FAM135B: variants seen among roughly 807,000 people sequenced by gnomAD.
The protein encoded by FAM135B is protein FAM135B.
FAM135B carries 43 observed loss-of-function variants against 127.7 expected under a neutral mutation model. The observed-to-expected ratio is 0.34, with a 90% confidence interval of 0.26 to 0.43. FAM135B has a LOEUF of 0.43. Ranked by LOEUF, FAM135B falls within the 20% of genes least tolerant of loss-of-function variation. The pLI is 1.00. For synonymous variants in FAM135B, 670 were observed against 665.1 expected (o/e 1.01, Z -0.11); for missense variants, 1,558 against 1,725.6 (o/e 0.90, Z 1.72).
chr8:138,345,986 TG>T (rs1175569925), intron 2 of FAM135B, among the ~76,000 whole-genome samples: 19 of 152,296 alleles, frequency 1.2e-4, no homozygotes, highest in Admixed American at 3.3e-4. Context: ...CATTAAAAAC[TG>T]GGCAAAGGAC....
Position 138,361,805 on chromosome 8 carries a change from C to G in FAM135B, c.77+6102G>C, listed in dbSNP as rs377699787. On this transcript the variant is annotated intron_variant, in intron 2 of 19. Coordinates refer to ENST00000395297, the MANE Select transcript of FAM135B (RefSeq NM_015912.4). ...GGTCCCTTGTCGGGCTGACCCACAT[C>G]CATCCTTAAAGTGACAGCTCTGCTG... 2.6e-5 allele frequency among the ~76,000 whole-genome samples: 4 copies of G among 152,258 alleles called. No individual in the cohort carries two copies. The South Asian group carries it at 6.2e-4, about 24-fold the overall frequency.
At chr8:138,323,561 G>A (rs1016043281) in intron 2 of FAM135B, among the ~76,000 whole-genome samples, 1 of 152,240 alleles carries the variant, frequency 6.6e-6, no homozygotes, top group African/African-American at 2.4e-5. Flanking sequence ...TGGAAGAGCA[G>A]AAGGAGAAGT....
intron 2 of FAM135B, among the ~76,000 whole-genome samples, chr8:138,337,263 T>C (rs1007252639): frequency 1.6e-4 from 24 of 151,068 alleles, no homozygotes; most frequent in Non-Finnish European, 2.8e-4. Flanking sequence ...GCCAGGGCAA[T>C]TAGGCAGGAG....
intron 3 of FAM135B, among the ~76,000 whole-genome samples, chr8:138,301,105 A>G (rs1424408492): frequency 1.3e-5 from 2 of 151,426 alleles, no homozygotes; most frequent in African/African-American, 4.8e-5. Context: ...CAAGAAACTG[A>G]CCTTAGCAAA....
At chr8:138,330,942 A>C (rs1256031703) in intron 2 of FAM135B, among the ~76,000 whole-genome samples, 1 of 151,784 alleles carries the variant, frequency 6.6e-6, no homozygotes, top group African/African-American at 2.4e-5. Flanking sequence ...TCCAGGGTTC[A>C]AGCGATTCTC....
chr8:138,433,602 C>A (rs557532997), intron 1 of FAM135B, among the ~76,000 whole-genome samples: 31 of 151,800 alleles, frequency 2.0e-4, no homozygotes, highest in Non-Finnish European at 4.3e-4. Flanking sequence ...TAAATGTAAT[C>A]TCTATTTCAT....
At chr8:138,170,975 G>T (rs985401620) in intron 11 of FAM135B, among the ~76,000 whole-genome samples, 2 of 152,106 alleles carry the variant, frequency 1.3e-5, no homozygotes, top group Non-Finnish European at 2.9e-5. Flanking sequence ...TCCAGCTCTT[G>T]GACTCTGGGA....
At chr8:138,420,939 A>G (rs978745198) in intron 1 of FAM135B, among the ~76,000 whole-genome samples, 3 of 152,334 alleles carry the variant, frequency 2.0e-5, no homozygotes, top group African/African-American at 4.8e-5. Flanking sequence ...GGAACCACAC[A>G]AGGCTGCCAA....
intron 6 of FAM135B, among the ~76,000 whole-genome samples, chr8:138,246,577 T>C (rs13272732): frequency 0.67 from 102,314 of 152,102 alleles, 35,151 homozygotes; most frequent in African/African-American, 0.78. Flanking sequence ...AGAGGCTATA[T>C]GGAAACTCCT....
intron 4 of FAM135B, among the ~76,000 whole-genome samples, chr8:138,264,226 G>A (rs1324684459): frequency 1.3e-5 from 2 of 152,208 alleles, no homozygotes; most frequent in African/African-American, 4.8e-5. Flanking sequence ...TTGGGTCTCA[G>A]TTCTGCATTG....
chr8:138,138,296 C>A (rs956609452), intron 18 of FAM135B, among the ~76,000 whole-genome samples: 3 of 152,228 alleles, frequency 2.0e-5, no homozygotes, highest in Non-Finnish European at 4.4e-5. Context: ...CGTGGCTACA[C>A]CAGATTCACA....
At chr8:138,429,677 T>C (rs555958160) in intron 1 of FAM135B, among the ~76,000 whole-genome samples, 1 of 152,302 alleles carries the variant, frequency 6.6e-6, no homozygotes, top group Admixed American at 6.5e-5. Context: ...TGACTGTGTT[T>C]TGTCTTAAGC....
chr8:138,165,698 G>A (rs1469611152), intron 12 of FAM135B, among the ~76,000 whole-genome samples: 3 of 152,108 alleles, frequency 2.0e-5, no homozygotes, highest in African/African-American at 7.2e-5. Context: ...ACCTATGTAT[G>A]CATACATACA....
intron 1 of FAM135B, among the ~76,000 whole-genome samples, chr8:138,432,991 G>A (rs536585091): frequency 2.0e-5 from 3 of 152,128 alleles, no homozygotes; most frequent in East Asian, 3.9e-4. Context: ...GAGGACTGAC[G>A]GGGAAAATAC....
Position 138,151,644 on chromosome 8 carries a change from T to C in FAM135B, c.2831A>G (p.Asp944Gly), listed in dbSNP as rs746782799. The change falls in exon 13 of 20, where the codon GAT (aspartate) becomes GGT (glycine). Residue 944 changes from aspartate (D) to glycine (G), a missense_variant. Transcript: ENST00000395297. Reference protein sequence around the residue: ...VPELSCTSAADAINRNSTGQQ... With the variant: ...VPELSCTSAAGAINRNSTGQQ... The stretch of plus-strand genomic sequence containing the variant: ...GCCTGTTGAGTTCCTGTTGATGGCA[T>C]CAGCAGCTGACGTACAGCTCAATTC... 1 of 1,614,182 alleles carries C rather than the reference T, an allele frequency of 6.2e-7. No individual in the cohort carries two copies. The highest frequency in any genetic ancestry group is 8.5e-7 in the Non-Finnish European group (1 of 1,180,042).
At chr8:138,329,704 TCA>T (rs1454983584) in intron 2 of FAM135B, among the ~76,000 whole-genome samples, 1 of 152,132 alleles carries the variant, frequency 6.6e-6, no homozygotes, top group Non-Finnish European at 1.5e-5. Context: ...TAAACTCACC[TCA>T]CAGCTTTGTT....
chr8:138,254,344 T>C (rs980292242), intron 5 of FAM135B, among the ~76,000 whole-genome samples: 10 of 152,334 alleles, frequency 6.6e-5, no homozygotes, highest in Admixed American at 5.9e-4. Flanking sequence ...CTGTGACTTA[T>C]CACATGGAGG....
chr8:138,439,848 C>T (rs1183918125), intron 1 of FAM135B: 3 of 152,186 alleles, frequency 2.0e-5, no homozygotes, highest in African/African-American at 7.2e-5. Context: ...CAGTTATTGG[C>T]TACAGGGCTT....
intron 12 of FAM135B, among the ~76,000 whole-genome samples, chr8:138,161,251 G>A (rs13255214): frequency 0.3 from 45,981 of 151,970 alleles, 7,753 homozygotes; most frequent in East Asian, 0.49. Context: ...TTCATAATCA[G>A]ATGGTGGGGA....
Sources: gnomAD v4.1 joint callset for allele counts (sites outside exome capture counted in the v4.1 genomes callset) on GRCh38, gnomAD v4.1.1 for gene constraint, MANE v1.5 for transcripts, NCBI Gene and HGNC (gene_info 2026-07-23, HGNC 2026-07-21) for gene names.